LDLRAD4: variants seen among roughly 807,000 people sequenced by gnomAD.
The protein encoded by LDLRAD4 is low-density lipoprotein receptor class A domain-containing protein 4.
Under a neutral mutation model 17.0 loss-of-function variants are expected in LDLRAD4, and 5 were observed. That is an observed-to-expected ratio of 0.29 (90% CI 0.15 to 0.62). The LOEUF (loss-of-function observed/expected upper bound fraction) is 0.62, where lower values mean the gene tolerates loss of function less well. LDLRAD4 is among the 20% of genes least tolerant of loss of function. The pLI, the probability that LDLRAD4 is intolerant of heterozygous loss-of-function variation, is 0.84. For synonymous variants in LDLRAD4, 168 were observed against 171.8 expected, an observed-to-expected ratio of 0.98 and a Z score of 0.17; for missense variants, 340 against 424.7, an observed-to-expected ratio of 0.80 and a Z score of 1.75.
At chr18:13,592,518 A>G (rs2095042488) in intron 3 of LDLRAD4, among the ~76,000 whole-genome samples, 1 of 152,276 alleles carries the variant, frequency 6.6e-6, no homozygotes, top group African/African-American at 2.4e-5. Flanking sequence ...TGTCTTATGT[A>G]GCCACATGAA....
chr18:13,513,621 G>A (rs939023016), intron 3 of LDLRAD4, among the ~76,000 whole-genome samples: 14 of 152,022 alleles, frequency 9.2e-5, no homozygotes, highest in African/African-American at 2.4e-4. Context: ...ATCAGTCTCC[G>A]TTTATTGTGA....
At chr18:13,419,822 A>C (rs2089279411) in intron 2 of LDLRAD4, 1 of 152,196 alleles carries the variant, frequency 6.6e-6, no homozygotes, top group Non-Finnish European at 1.5e-5. Flanking sequence ...TAGCTGGTAG[A>C]AGACTGGATG....
At chr18:13,405,776 G>A (rs984088510) in intron 2 of LDLRAD4, among the ~76,000 whole-genome samples, 1 of 152,024 alleles carries the variant, frequency 6.6e-6, no homozygotes, top group African/African-American at 2.4e-5. Context: ...AATTGGAAGC[G>A]CTTCACTGTG....
chr18:13,635,769 A>G (rs2042020364), intron 4 of LDLRAD4, among the ~76,000 whole-genome samples: 1 of 152,230 alleles, frequency 6.6e-6, no homozygotes, highest in South Asian at 2.1e-4. Flanking sequence ...TGGATTCAGT[A>G]GAGTCATTTG....
Position 13,436,533 on chromosome 18 carries a change from A to G in LDLRAD4, c.41-1711A>G, listed in dbSNP as rs1429245827. Among the ~76,000 whole-genome samples, 6 of 152,356 alleles carry G rather than the reference A, an allele frequency of 3.9e-5. No homozygotes were observed. The East Asian group carries it at 1.2e-3, about 29-fold the overall frequency. On this transcript the variant is annotated intron_variant, in intron 2 of 5. Transcript: ENST00000359446. ...ATTCCTTTTTCCCAATCACTGTTTT[A>G]GCAACACAGGGAGTACCTGTTTTCG...
At chr18:13,467,480 CT>C (rs1364843920) in intron 3 of LDLRAD4, among the ~76,000 whole-genome samples, 1 of 152,154 alleles carries the variant, frequency 6.6e-6, no homozygotes, top group African/African-American at 2.4e-5. Flanking sequence ...CAAAATATTG[CT>C]GAAAGAAATT....
chr18:13,224,769 T>C (rs1264928802), intron 1 of LDLRAD4, among the ~76,000 whole-genome samples: 1 of 151,832 alleles, frequency 6.6e-6, no homozygotes, highest in Non-Finnish European at 1.5e-5. Context: ...CATGAGCCAC[T>C]GCATCTGGCC....
chr18:13,451,489 T>C (rs150483939), intron 3 of LDLRAD4, among the ~76,000 whole-genome samples: 25 of 152,312 alleles, frequency 1.6e-4, no homozygotes, highest in African/African-American at 5.8e-4. Flanking sequence ...GAAGCAGATG[T>C]CAACACTATG....
At chr18:13,271,931 G>T (rs1375736034) in intron 1 of LDLRAD4, among the ~76,000 whole-genome samples, 1 of 113,446 alleles carries the variant, frequency 8.8e-6, no homozygotes, top group Admixed American at 1.3e-4. Flanking sequence ...ACGGAGTCTT[G>T]CTTTGCCAGG....
At chr18:13,482,726 C>T (rs1396524993) in intron 3 of LDLRAD4, among the ~76,000 whole-genome samples, 1 of 152,112 alleles carries the variant, frequency 6.6e-6, no homozygotes, top group Admixed American at 6.5e-5. Context: ...TTCCTATGGG[C>T]CCTGGGGGAG....
At chr18:13,412,342 T>TA (rs1354622393) in intron 2 of LDLRAD4, among the ~76,000 whole-genome samples, 2 of 152,236 alleles carry the variant, frequency 1.3e-5, no homozygotes, top group South Asian at 4.1e-4. Context: ...TTCCAGCTCT[T>TA]AAAGTATCCT....
intron 4 of LDLRAD4, among the ~76,000 whole-genome samples, chr18:13,639,475 G>A (rs2042342154): frequency 6.6e-6 from 1 of 152,222 alleles, no homozygotes; most frequent in Non-Finnish European, 1.5e-5. Flanking sequence ...GGCTAAGGAC[G>A]GTGACCTTGC....
intron 1 of LDLRAD4, among the ~76,000 whole-genome samples, chr18:13,299,651 C>T (rs1443095110): frequency 6.6e-6 from 1 of 152,072 alleles, no homozygotes; most frequent in Non-Finnish European, 1.5e-5. Flanking sequence ...TGAGACCAGC[C>T]TGGACAACAC....
intron 1 of LDLRAD4, among the ~76,000 whole-genome samples, chr18:13,314,755 G>A (rs142899737): frequency 1.3e-5 from 2 of 152,296 alleles, no homozygotes; most frequent in Non-Finnish European, 2.9e-5. Flanking sequence ...TAGCTACAAA[G>A]GCTGTGTGAG....
intron 3 of LDLRAD4, among the ~76,000 whole-genome samples, chr18:13,517,435 G>A (rs10163734): frequency 0.32 from 48,005 of 152,118 alleles, 8,077 homozygotes; most frequent in Middle Eastern, 0.51. Flanking sequence ...AGGTAGCTCC[G>A]TTTTGGAAAG....
chr18:13,338,109 G>A (rs2082195118), intron 1 of LDLRAD4, among the ~76,000 whole-genome samples: 1 of 152,154 alleles, frequency 6.6e-6, no homozygotes, highest in Non-Finnish European at 1.5e-5. Flanking sequence ...CCTTACTGCT[G>A]TGACCCCGAA....
upstream of LDLRAD4, among the ~76,000 whole-genome samples, chr18:13,276,712 A>G (rs2044893075): frequency 6.6e-6 from 1 of 151,886 alleles, no homozygotes; most frequent in Non-Finnish European, 1.5e-5. Flanking sequence ...GGAGTCTGTC[A>G]CTCCCTCGTT....
At chr18:13,473,583 G>C (rs2092835677) in intron 3 of LDLRAD4, among the ~76,000 whole-genome samples, 1 of 140,746 alleles carries the variant, frequency 7.1e-6, no homozygotes, top group African/African-American at 2.6e-5. Flanking sequence ...GCTGCAGTGA[G>C]CTATGATCGT....
At chr18:13,530,893 T>TGGGGGGGGGGTGGGGG (rs1302901901) in intron 3 of LDLRAD4, among the ~76,000 whole-genome samples, 1 of 34,630 alleles carries the variant, frequency 2.9e-5, no homozygotes, top group Admixed American at 3.3e-4. Flanking sequence ...GGGGGTGGGG[T>TGGGGGGGGGGTGGGGG]GGGGGGTGGT....
Sources: gnomAD v4.1 joint callset for allele counts (sites outside exome capture counted in the v4.1 genomes callset) on GRCh38, gnomAD v4.1.1 for gene constraint, MANE v1.5 for transcripts, NCBI Gene and HGNC (gene_info 2026-07-23, HGNC 2026-07-21) for gene names.